Variants in SENP6 observed in about 807,000 individuals in gnomAD.
SENP6 encodes SUMO specific peptidase 6.
In SENP6, 41 loss-of-function variants were observed where a neutral mutation model predicts 134.5. That is an observed-to-expected ratio of 0.30 (90% CI 0.24 to 0.40). The LOEUF is 0.40. Among genes scored for constraint, SENP6 ranks in the 10% least tolerant of loss-of-function variants. The probability of loss-of-function intolerance (pLI) is 1.00; values close to 1 mark genes in which losing one functional copy is unlikely to be tolerated. For synonymous variants in SENP6, 395 were observed against 429.8 expected, an observed-to-expected ratio of 0.92 and a Z score of 1.00; for missense variants, 1,248 against 1,312.5, an observed-to-expected ratio of 0.95 and a Z score of 0.76.
In SENP6 at chr6:75,623,949, A is replaced by G. The variant is rs769809559; in HGVS notation, c.196A>G (p.Lys66Glu). Residue 66 changes from lysine (K) to glutamate (E), a missense_variant, in exon 3 of 24, where the codon AAA (lysine) becomes GAA (glutamate). Coordinates refer to ENST00000447266, the MANE Select transcript of SENP6 (RefSeq NM_015571.4). ...VDEDEDSETS[K>E]GKKLNRRSEI... Reference sequence around the variant, plus strand: ...TGAAGATGAGGATTCTGAAACCTCAAAAGGAAAAAAGGCAAGTGTTGCTTA... The same window carrying G: ...TGAAGATGAGGATTCTGAAACCTCAGAAGGAAAAAAGGCAAGTGTTGCTTA... 7 of 1,608,850 alleles carry G rather than the reference A, an allele frequency of 4.4e-6. No individual in the cohort carries two copies. The African/African-American group carries it at 8.0e-5, about 18-fold the overall frequency.
At chr6:75,703,782 T>A (rs1478712609) in intron 19 of SENP6, among the ~76,000 whole-genome samples, 1 of 151,970 alleles carries the variant, frequency 6.6e-6, no homozygotes. Flanking sequence ...AACAAAAAAA[T>A]TGAGAACTTT....
At chr6:75,713,872 G>A (rs1562082526) in intron 23 of SENP6, 47 bp downstream of exon 23, 2 of 1,345,078 alleles carry the variant, frequency 1.5e-6, no homozygotes, top group East Asian at 2.4e-5. Context: ...ATAAAATAGT[G>A]CATTTGACTT....
intron 7 of SENP6, among the ~76,000 whole-genome samples, chr6:75,653,143 G>T (rs1771040483): frequency 6.6e-6 from 1 of 152,014 alleles, no homozygotes; most frequent in Non-Finnish European, 1.5e-5. Flanking sequence ...CGATTTTCCT[G>T]CCTCACCCTC....
chr6:75,604,883 G>T (rs1396966406), intron 1 of SENP6, among the ~76,000 whole-genome samples: 1 of 151,626 alleles, frequency 6.6e-6, no homozygotes, highest in Non-Finnish European at 1.5e-5. Context: ...GACCAGCCTG[G>T]CCAACATGGT....
intron 1 of SENP6, among the ~76,000 whole-genome samples, chr6:75,618,422 CT>C (rs1768015056): frequency 6.6e-6 from 1 of 152,022 alleles, no homozygotes; most frequent in Non-Finnish European, 1.5e-5. Flanking sequence ...TGACATGCCC[CT>C]GTCTTTAAAA....
chr6:75,632,821 T>C (rs374174807), intron 3 of SENP6, among the ~76,000 whole-genome samples: 2 of 152,188 alleles, frequency 1.3e-5, no homozygotes, highest in East Asian at 1.9e-4. Context: ...TAAAAACTTA[T>C]TTACACCTTA....
At chr6:75,650,974 A>T (rs983279378) in intron 7 of SENP6, among the ~76,000 whole-genome samples, 1 of 152,140 alleles carries the variant, frequency 6.6e-6, no homozygotes, top group Non-Finnish European at 1.5e-5. Context: ...GGCACTTAGT[A>T]TATTTTTTTA....
In SENP6 at chr6:75,636,005, A is replaced by G. The variant is rs189265443; in HGVS notation, c.458+1194A>G. Among the ~76,000 whole-genome samples, 58 of 152,234 alleles carry G rather than the reference A, an allele frequency of 3.8e-4. 1 individual carries two copies. The highest frequency in any genetic ancestry group is 1.1e-3 in the African/African-American group (44 of 41,574). The stretch of plus-strand genomic sequence containing the variant: ...AGTTGTCTGTTAGTTTGGAATTACT[A>G]GTGACCTATTTTCCATTCCTCATTT... On this transcript the variant is annotated intron_variant, in intron 5 of 23. Coordinates refer to ENST00000447266, the MANE Select transcript of SENP6 (RefSeq NM_015571.4).
rs745434932 is a variant in SENP6, at chr6:75,678,803, T to C, written c.1959-8T>C. The C allele has an allele frequency of 6.5e-7, 1 of 1,535,082 alleles. No homozygotes were observed. Among genetic ancestry groups the C allele is most frequent in the Non-Finnish European group, 9.0e-7 (1 of 1,110,970 alleles). On this transcript the variant is annotated splice_region_variant and splice_polypyrimidine_tract_variant and intron_variant, in intron 15 of 23. Transcript: ENST00000447266. ...TGTTTATTTGCTTGCCTTCTAATTT[T>C]GTTACAGGTTGATAGTATATCCACC... is the stretch of plus-strand genomic sequence containing the variant.
intron 1 of SENP6, chr6:75,611,373 T>C (rs1767436660): frequency 6.6e-6 from 1 of 152,274 alleles, no homozygotes; most frequent in South Asian, 2.1e-4. Context: ...CATCAGCTTC[T>C]CCTTCACAAG....
At chr6:75,705,796 T>C (rs952028454) in intron 19 of SENP6, among the ~76,000 whole-genome samples, 39 of 151,950 alleles carry the variant, frequency 2.6e-4, no homozygotes, top group African/African-American at 9.2e-4. Context: ...ATGAAAAATA[T>C]TGGTATAGGA....
At chr6:75,670,311 A>C (rs1291373411) in intron 10 of SENP6, among the ~76,000 whole-genome samples, 1 of 152,182 alleles carries the variant, frequency 6.6e-6, no homozygotes. Context: ...CCAGAGTACT[A>C]TTCCTGAATG....
intron 21 of SENP6, among the ~76,000 whole-genome samples, chr6:75,712,232 TCTAGGTTTAATCTC>T (rs1248241300): frequency 6.6e-6 from 1 of 152,192 alleles, no homozygotes; most frequent in Non-Finnish European, 1.5e-5. Context: ...ATTACCTATT[TCTAGGTTTAATCTC>T]CTTTGACTTT....
chr6:75,683,529 G>A (rs1274973738), intron 16 of SENP6, among the ~76,000 whole-genome samples: 1 of 152,098 alleles, frequency 6.6e-6, no homozygotes, highest in Non-Finnish European at 1.5e-5. Flanking sequence ...TATGGTTTTA[G>A]GTCTAACATT....
intron 2 of SENP6, among the ~76,000 whole-genome samples, chr6:75,623,030 T>A (rs1255846057): frequency 6.6e-6 from 1 of 152,216 alleles, no homozygotes; most frequent in Non-Finnish European, 1.5e-5. Context: ...TTTTTAAACA[T>A]GTTTATAAAA....
chr6:75,713,460 A>G (rs373538199), intron 21 of SENP6, 53 bp from the exon 22 acceptor site: 17 of 1,374,140 alleles, frequency 1.2e-5, no homozygotes, highest in Non-Finnish European at 1.6e-5. Context: ...TAATCCTTTT[A>G]TGCATTTGTA....
rs1773122015 is a variant in SENP6, at chr6:75,676,924, G to A, written c.1622-106G>A. On this transcript the variant is annotated intron_variant, in intron 13 of 23. Transcript: ENST00000447266. ...AGACATTGTTGTGGACCTTTATACT[G>A]GGATTTCTGATTATCCTCCTGGAAA... is the stretch of plus-strand genomic sequence containing the variant. 4 of 641,644 alleles carry A rather than the reference G, an allele frequency of 6.2e-6. No individual in the cohort carries two copies. The East Asian group carries it at 1.1e-4, about 18-fold the overall frequency. The allele number at this position is 641,644 out of a possible 1,614,324, so 39.7% of individuals were successfully genotyped here. A position where few individuals can be genotyped will look rare whatever the true frequency, so the allele number is the denominator to read the frequency against.
intron 16 of SENP6, among the ~76,000 whole-genome samples, chr6:75,685,155 A>T (rs1187014816): frequency 6.6e-6 from 1 of 151,810 alleles, no homozygotes; most frequent in Non-Finnish European, 1.5e-5. Flanking sequence ...GAATTTATCC[A>T]TTTTTTCTAG....
intron 3 of SENP6, among the ~76,000 whole-genome samples, chr6:75,625,023 T>A (rs1215852004): frequency 6.6e-6 from 1 of 151,994 alleles, no homozygotes; most frequent in African/African-American, 2.4e-5. Context: ...TGTATAATAA[T>A]GTTATAGGTT....
Sources: allele counts gnomAD v4.1 joint callset (sites outside exome capture counted in the v4.1 genomes callset), GRCh38; gene constraint gnomAD v4.1.1; transcripts MANE v1.5; gene names NCBI Gene and HGNC (gene_info 2026-07-23, HGNC 2026-07-21).